SPTAN1: variants seen among roughly 807,000 people sequenced by gnomAD.
SPTAN1 encodes spectrin alpha, non-erythrocytic 1, also known as spectrin alpha chain, non-erythrocytic 1.
SPTAN1 carries 61 observed loss-of-function variants against 331.3 expected under a neutral mutation model. The ratio of observed to expected loss-of-function variants is 0.18; its 90% CI spans 0.15 to 0.23. The LOEUF is 0.23. Ranked by LOEUF, SPTAN1 falls within the 10% of genes least tolerant of loss-of-function variation. SPTAN1 has a pLI of 1.00. For synonymous variants in SPTAN1, 1,153 were observed against 1,173.9 expected (o/e 0.98, Z 0.36); for missense variants, 2,043 against 3,147.9 (o/e 0.65, Z 8.40).
intron 1 of SPTAN1, among the ~76,000 whole-genome samples, chr9:128,559,642 T>C (rs1475528153): frequency 3.9e-5 from 6 of 152,214 alleles, no homozygotes; most frequent in Admixed American, 3.9e-4. Context: ...TTTTCCATCT[T>C]AACTGTTTCC....
At position 128,629,195 on chromosome 9, in the gene SPTAN1, T is replaced by TC. The variant is rs1859269348; in HGVS notation, c.6708-1124dup. On this transcript the variant is annotated intron_variant, in intron 51 of 56. Coordinates refer to ENST00000372739, the MANE Select transcript of SPTAN1 (RefSeq NM_001130438.3). This position sits in a 1 kb window ranked among gnomAD's most constrained non-coding sequence, Gnocchi z 4.9. The stretch of plus-strand genomic sequence containing the variant: ...GGATGATCTGTCTGGAAGGTTTTTC[T>TC]CCTTATTTCTCTTCTTACCTCACTG... 2.5e-6 allele frequency: 1 copy of TC among 398,562 alleles called. No homozygotes were observed. Among genetic ancestry groups the TC allele is most frequent in the Non-Finnish European group, 4.4e-6 (1 of 226,148 alleles). The allele number at this position is 398,562 out of a possible 1,614,324, so 24.7% of individuals were successfully genotyped here.
rs1181499098 is a variant in SPTAN1 at position 128,611,569 on chromosome 9, C to A, written c.4774-145C>A. The stretch of plus-strand genomic sequence containing the variant: ...TGAACCCTAAAATATTTCATACAAA[C>A]TCCAATTGCCTTCTGTTAAAAACGT... On this transcript the variant is annotated intron_variant, in intron 37 of 56. Coordinates refer to ENST00000372739, the MANE Select transcript of SPTAN1 (RefSeq NM_001130438.3). 8 of 897,162 alleles carry A rather than the reference C, an allele frequency of 8.9e-6. No individual in the cohort carries two copies. In the East Asian group the frequency reaches 1.6e-4, roughly 18 times the overall value. The allele number at this position is 897,162 out of a possible 1,614,324, so 55.6% of individuals were successfully genotyped here.
intron 46 of SPTAN1, 52 bp downstream of exon 46, chr9:128,624,539 C>G: frequency 6.3e-7 from 1 of 1,599,194 alleles, no homozygotes. Flanking sequence ...TGCTCTTTGT[C>G]TCCTTCCGTG....
intron 21 of SPTAN1, among the ~76,000 whole-genome samples, chr9:128,589,231 C>A (rs987491182): frequency 2.6e-4 from 39 of 151,972 alleles, no homozygotes; most frequent in African/African-American, 8.9e-4. Flanking sequence ...TCCTGTCAAG[C>A]CAAAGTTTGC....
In SPTAN1 at chr9:128,578,081, ACAT is replaced by A. The variant is rs545900385; in HGVS notation, c.1086-28_1086-26del. ...TTCCACCCTGGAACCTCCGCTGGAA[ACAT>A]AATGTCTTCCTTTGGTTTTCCCTAG... On this transcript the variant is annotated intron_variant, in intron 8 of 56. Transcript: ENST00000372739. 5.5e-4 allele frequency: 881 copies of A among 1,613,978 alleles called. 1 individual carries two copies. The African/African-American group carries it at 9.4e-3, about 17-fold the overall frequency.
At position 128,579,156 on chromosome 9, in the gene SPTAN1, C is replaced by G. The variant is rs1314549440; in HGVS notation, c.1222-481C>G. Among the ~76,000 whole-genome samples the G allele has an allele frequency of 3.9e-5, 6 of 152,084 alleles. No homozygotes were observed. In the East Asian group the frequency reaches 1.2e-3, roughly 29 times the overall value. On this transcript the variant is annotated intron_variant, in intron 9 of 56. Transcript: ENST00000372739. ...CAGGATATATACCGTTAATGCAGTT[C>G]CAGTCAAGTGCTCAGCAGGTATATG...
At chr9:128,590,946 A>C (rs1853413610) in intron 21 of SPTAN1, among the ~76,000 whole-genome samples, 1 of 152,240 alleles carries the variant, frequency 6.6e-6, no homozygotes, top group South Asian at 2.1e-4. Flanking sequence ...AGCAGAGAGA[A>C]GGCCAGCCTT....
chr9:128,579,743 G>A lies in SPTAN1; in HGVS notation c.1323+5G>A. The A allele has an allele frequency of 6.2e-7, 1 of 1,612,982 alleles. No individual in the cohort carries two copies. The highest frequency in any genetic ancestry group is 8.5e-7 in the Non-Finnish European group (1 of 1,179,060). ...TCAGATGAAGTGAGGGAGAAGGTAA[G>A]AGAAGAGAAATGGAGCTTTTGAGGA... is the stretch of plus-strand genomic sequence containing the variant. On this transcript the variant is annotated splice_donor_5th_base_variant and intron_variant, in intron 10 of 56. Transcript: ENST00000372739.
intron 26 of SPTAN1, 108 bp from the exon 27 acceptor site, chr9:128,599,972 G>C: frequency 8.9e-7 from 1 of 1,122,898 alleles, no homozygotes; most frequent in Non-Finnish European, 1.4e-6. Context: ...TAATGTATTA[G>C]TATCTGGGAT....
At chr9:128,592,359 C>T (rs1473775586) in intron 22 of SPTAN1, among the ~76,000 whole-genome samples, 7 of 151,354 alleles carry the variant, frequency 4.6e-5, no homozygotes, top group African/African-American at 1.7e-4. Flanking sequence ...ACTGCAACCT[C>T]TGCCTCCTGG....
At chr9:128,568,537 A>C (rs1361841390) in intron 2 of SPTAN1, among the ~76,000 whole-genome samples, 1 of 152,224 alleles carries the variant, frequency 6.6e-6, no homozygotes, top group East Asian at 1.9e-4. Context: ...GTTAGTTCTC[A>C]ATGGTGAGTG....
intron 3 of SPTAN1, among the ~76,000 whole-genome samples, chr9:128,571,310 C>T (rs920056951): frequency 8.7e-5 from 13 of 149,536 alleles, no homozygotes; most frequent in African/African-American, 3.2e-4. Flanking sequence ...AAAGGCCAGG[C>T]ACAGTGGCTC....
In SPTAN1 at chr9:128,592,965, T is replaced by C. The variant is rs1328119921; in HGVS notation, c.3156-18T>C. ...CCCACTAATTCGTGCATGCTTTTGCTGTGCCCCCTCTGTGCAGGACACGCA... is the reference window on the plus strand; with the variant it reads ...CCCACTAATTCGTGCATGCTTTTGCCGTGCCCCCTCTGTGCAGGACACGCA... On this transcript the variant is annotated intron_variant, in intron 22 of 56. Transcript: ENST00000372739. 2 of 1,600,906 alleles carry C rather than the reference T, an allele frequency of 1.2e-6. No individual in the cohort carries two copies. Among genetic ancestry groups the C allele is most frequent in the Non-Finnish European group, 1.7e-6 (2 of 1,172,708 alleles).
chr9:128,608,125 T>C lies in SPTAN1; in HGVS notation c.4345-5T>C, dbSNP rs748303045. ...ATTTTCTCACCTGCCTCTTGCCCTC[T>C]TTAGCTGTTCCATCGGGACTGTGAG... On this transcript the variant is annotated splice_polypyrimidine_tract_variant and splice_region_variant and intron_variant, in intron 33 of 56. Coordinates refer to ENST00000372739, the MANE Select transcript of SPTAN1 (RefSeq NM_001130438.3). The C allele has an allele frequency of 6.2e-7, 1 of 1,614,184 alleles. No individual in the cohort carries two copies. Among genetic ancestry groups the C allele is most frequent in the Non-Finnish European group, 8.5e-7 (1 of 1,180,028 alleles).
At chr9:128,599,687 A>T (rs1478747635) in intron 26 of SPTAN1, 4 of 112,828 alleles carry the variant, frequency 3.5e-5, no homozygotes, top group Middle Eastern at 3.7e-3. Context: ...CACAGCTCTA[A>T]AAAAAAAAAA....
At chr9:128,557,889 C>T (rs975229113) in intron 1 of SPTAN1, among the ~76,000 whole-genome samples, 4 of 151,044 alleles carry the variant, frequency 2.6e-5, no homozygotes, top group African/African-American at 9.8e-5. Flanking sequence ...CTGCAAGCTC[C>T]GCCTCCCAGG....
Position 128,626,523 on chromosome 9 carries a change from C to T in SPTAN1, c.6412C>T (p.His2138Tyr). ...AGAAATCAAAGCTTTGCGCGAGGCCCACGACGCCTTCCGCTCCTCCCTCAG... is the reference window on the plus strand; with the variant it reads ...AGAAATCAAAGCTTTGCGCGAGGCCTACGACGCCTTCCGCTCCTCCCTCAG... ...LEEIKALREA[H>Y]DAFRSSLSSA... The change falls in exon 49 of 57, where the codon CAC becomes TAC. Residue 2138 changes from histidine to tyrosine, a missense_variant. By Grantham distance (83) the His-to-Tyr change is moderately conservative (BLOSUM62 2). Around this residue, in one of 12 missense-constraint regions of SPTAN1, gnomAD observed 256 missense variants for 376.4 expected, o/e 0.68. Coordinates refer to ENST00000372739, the MANE Select transcript of SPTAN1 (RefSeq NM_001130438.3). The T allele has an allele frequency of 1.2e-6, 2 of 1,614,190 alleles. No individual in the cohort carries two copies. Among genetic ancestry groups the T allele is most frequent in the Non-Finnish European group, 1.7e-6 (2 of 1,180,032 alleles).
At position 128,577,060 on chromosome 9, in the gene SPTAN1, T is replaced by C. The variant is rs1851390149; in HGVS notation, c.786-69T>C. ...GCTGTCGAGGCTGACTAGGCCTTGGTCCCATGGGGTGTTCCTAGTTCTAGG... is the reference window on the plus strand; with the variant it reads ...GCTGTCGAGGCTGACTAGGCCTTGGCCCCATGGGGTGTTCCTAGTTCTAGG... On this transcript the variant is annotated intron_variant, in intron 6 of 56. Coordinates refer to ENST00000372739, the MANE Select transcript of SPTAN1 (RefSeq NM_001130438.3). This position sits in a 1 kb window ranked among gnomAD's most constrained non-coding sequence, Gnocchi z 4.2. 6.2e-7 allele frequency: 1 copy of C among 1,613,802 alleles called. No homozygotes were observed. The highest frequency in any genetic ancestry group is 1.3e-5 in the African/African-American group (1 of 74,900).
chr9:128,628,480 A>T, intron 51 of SPTAN1: 1 of 315,318 alleles, frequency 3.2e-6, no homozygotes, highest in South Asian at 2.7e-5. Context: ...TGTCCGCCCT[A>T]ATAGAAGGCA....
Sources: gnomAD v4.1 joint callset for allele counts (sites outside exome capture counted in the v4.1 genomes callset) on GRCh38, gnomAD v4.1.1 for gene constraint, gnomAD v4.1.1 regional missense constraint, Gnocchi (gnomAD v3.1) non-coding constraint, MANE v1.5 for transcripts, NCBI Gene and HGNC (gene_info 2026-07-23, HGNC 2026-07-21) for gene names.